The following SGCD variants were observed in gnomAD, a reference collection of about 807,000 sequenced individuals.
The protein encoded by SGCD is delta-sarcoglycan.
In SGCD, 18 loss-of-function variants were observed where a neutral mutation model predicts 36.6. That is an observed-to-expected ratio of 0.49 (90% CI 0.34 to 0.73). The LOEUF is 0.73. Ranked by LOEUF, SGCD falls within the 30% of genes least tolerant of loss-of-function variation. The pLI is 0.01. For missense variants in SGCD, 387 were observed against 346.7 expected, an observed-to-expected ratio of 1.12 and a Z score of -0.92; for synonymous variants, 133 against 130.6, an observed-to-expected ratio of 1.02 and a Z score of -0.12.
In SGCD at chr5:156,757,597, C is replaced by T. The variant is rs561825515; in HGVS notation, c.592C>T (p.Arg198Trp). 5.0e-6 allele frequency: 8 copies of T among 1,607,800 alleles called. No individual in the cohort carries two copies. Among genetic ancestry groups the T allele is most frequent in the South Asian group, 2.2e-5 (2 of 89,634 alleles). ...GTTTTTCAGGTTGGAGTCCCCAACCCGGTCTCTAGTGATGGAGGCCCCAAA... is the reference window on the plus strand; with the variant it reads ...GTTTTTCAGGTTGGAGTCCCCAACCTGGTCTCTAGTGATGGAGGCCCCAAA... The part of the protein sequence containing the change: ...FKELRLESPT[R>W]SLVMEAPKGV... Residue 198 changes from arginine (R) to tryptophan (W), a missense_variant, in exon 8 of 9, where the codon CGG (arginine) becomes TGG (tryptophan). Arg to Trp is a moderately radical substitution (Grantham distance 101, BLOSUM62 -3). Transcript: ENST00000337851.
chr5:156,257,132 T>C lies in SGCD; in HGVS notation c.-43-72402T>C, dbSNP rs551133872. 2.0e-5 allele frequency among the ~76,000 whole-genome samples: 3 copies of C among 151,298 alleles called. No individual in the cohort carries two copies. The South Asian group carries it at 6.3e-4, about 32-fold the overall frequency. The stretch of plus-strand genomic sequence containing the variant: ...AAGGTCAAGGCTTGCAGTGAGCCCA[T>C]ACCACTGTACTCCAGCCTGGACCCT... On this transcript the variant is annotated intron_variant, in intron 3 of 9. Transcript: ENST00000517913.
At chr5:156,672,078 A>T (rs1327905835) in intron 7 of SGCD, among the ~76,000 whole-genome samples, 1 of 152,190 alleles carries the variant, frequency 6.6e-6, no homozygotes, top group African/African-American at 2.4e-5. Context: ...TATAAATTTG[A>T]AAAGGATAAA....
At chr5:156,636,706 C>T (rs1762837695) in intron 6 of SGCD, among the ~76,000 whole-genome samples, 1 of 152,088 alleles carries the variant, frequency 6.6e-6, no homozygotes, top group Non-Finnish European at 1.5e-5. Context: ...AAACCCAGCC[C>T]CACTCAGCAG....
At chr5:156,385,410 A>G (rs997750578) in intron 3 of SGCD, among the ~76,000 whole-genome samples, 8 of 152,214 alleles carry the variant, frequency 5.3e-5, no homozygotes, top group African/African-American at 1.9e-4. Flanking sequence ...TAAGAAGTTA[A>G]ATAAGAAACA....
At chr5:156,725,656 A>G (rs555583935) in intron 7 of SGCD, among the ~76,000 whole-genome samples, 9 of 152,326 alleles carry the variant, frequency 5.9e-5, no homozygotes, top group African/African-American at 2.2e-4. Flanking sequence ...AGATTGGCCA[A>G]TTCCACACTC....
chr5:156,049,354 C>A (rs1306751022), intron 1 of SGCD, among the ~76,000 whole-genome samples: 1 of 145,948 alleles, frequency 6.9e-6, no homozygotes, highest in East Asian at 1.9e-4. Context: ...TTTTCCAATT[C>A]TGTGAAGAAA....
intron 3 of SGCD, among the ~76,000 whole-genome samples, chr5:156,247,496 C>T (rs62382678): frequency 0.22 from 33,526 of 152,054 alleles, 4,347 homozygotes; most frequent in East Asian, 0.62. Context: ...TTATTGCCAT[C>T]ATCTGAGAAA....
chr5:155,942,326 G>GTATCTATCTATC (rs200508490), intron 1 of SGCD, among the ~76,000 whole-genome samples: 12,460 of 110,670 alleles, frequency 0.11, 578 homozygotes, highest in East Asian at 0.15. Context: ...ATGTATGTAT[G>GTATCTATCTATC]TATGTATGTA....
At chr5:156,166,044 C>G (rs1356672115) in intron 3 of SGCD, among the ~76,000 whole-genome samples, 3 of 151,736 alleles carry the variant, frequency 2.0e-5, no homozygotes. Context: ...CTTGGCACTT[C>G]CCTAATCTCT....
At chr5:156,470,547 T>C (rs556509187) in intron 3 of SGCD, among the ~76,000 whole-genome samples, 3 of 144,410 alleles carry the variant, frequency 2.1e-5, no homozygotes, top group African/African-American at 7.5e-5. Context: ...CCTGTGTCCA[T>C]GTGTTCTCAT....
At chr5:156,561,548 T>C (rs1759268142) in intron 4 of SGCD, among the ~76,000 whole-genome samples, 1 of 152,186 alleles carries the variant, frequency 6.6e-6, no homozygotes, top group Non-Finnish European at 1.5e-5. Context: ...TTTGATTAGT[T>C]TGAAACATAG....
chr5:156,019,645 G>A (rs1303548027), intron 1 of SGCD, among the ~76,000 whole-genome samples: 2 of 152,122 alleles, frequency 1.3e-5, no homozygotes, highest in Non-Finnish European at 2.9e-5. Flanking sequence ...ATATCAGAGA[G>A]GACAGCTAAA....
chr5:156,740,866 G>C (rs1756635635), intron 7 of SGCD, among the ~76,000 whole-genome samples: 1 of 152,140 alleles, frequency 6.6e-6, no homozygotes, highest in Non-Finnish European at 1.5e-5. Flanking sequence ...CCCAATCTGA[G>C]AACTCCCCAA....
intron 1 of SGCD, among the ~76,000 whole-genome samples, chr5:155,932,033 C>A (rs376180122): frequency 6.6e-6 from 1 of 152,178 alleles, no homozygotes; most frequent in Admixed American, 6.5e-5. Flanking sequence ...TTAATGAAGT[C>A]TCCACCCTCA....
chr5:155,807,185 A>G, the SGCD span, among the ~76,000 whole-genome samples: 2 of 152,226 alleles, frequency 1.3e-5, no homozygotes, highest in African/African-American at 4.8e-5. Flanking sequence ...CTGAATCTGT[A>G]TCACTTGCCT....
At chr5:155,763,040 C>A in the SGCD span, among the ~76,000 whole-genome samples, 3 of 152,166 alleles carry the variant, frequency 2.0e-5, no homozygotes, top group Non-Finnish European at 2.9e-5. Flanking sequence ...GAGCAGAAAT[C>A]TTTGAATGGT....
At position 156,589,330 on chromosome 5, in the gene SGCD, G is replaced by A; in HGVS notation, c.382+12G>A. 6.6e-7 allele frequency: 1 copy of A among 1,513,686 alleles called. No individual in the cohort carries two copies. The highest frequency in any genetic ancestry group is 1.2e-5 in the South Asian group (1 of 83,762). 93.8% of individuals were successfully genotyped at this position (1,513,686 alleles called of 1,614,324 possible). Reference sequence around the variant, plus strand: ...TCAGCTTATAACAGGTAAGAAAAGGGAGAACTTAACAGTGCCTAGCCCATG... The same window carrying A: ...TCAGCTTATAACAGGTAAGAAAAGGAAGAACTTAACAGTGCCTAGCCCATG... On this transcript the variant is annotated intron_variant, in intron 5 of 8. Transcript: ENST00000337851.
chr5:156,581,800 G>A (rs183922024), intron 4 of SGCD, among the ~76,000 whole-genome samples: 33 of 152,288 alleles, frequency 2.2e-4, no homozygotes, highest in African/African-American at 7.0e-4. Flanking sequence ...TGGATGGGAG[G>A]GTCCTGTTTT....
chr5:155,750,109 T>C, the SGCD span, among the ~76,000 whole-genome samples: 4 of 152,192 alleles, frequency 2.6e-5, no homozygotes. Context: ...TTTAAAAGTT[T>C]AGTCTGTCTG....
Sources: gnomAD v4.1 joint callset for allele counts (sites outside exome capture counted in the v4.1 genomes callset) on GRCh38, gnomAD v4.1.1 for gene constraint, MANE v1.5 for transcripts, NCBI Gene and HGNC (gene_info 2026-07-23, HGNC 2026-07-21) for gene names.